The following RBFOX1 variants were observed in gnomAD, a reference collection of about 807,000 sequenced individuals.
The protein encoded by RBFOX1 is RNA binding fox-1 homolog 1.
In RBFOX1, 8 loss-of-function variants were observed where a neutral mutation model predicts 57.7. The ratio of observed to expected loss-of-function variants is 0.14; its 90% CI spans 0.08 to 0.25. RBFOX1 has a LOEUF of 0.25. RBFOX1 is among the 10% of genes least tolerant of loss of function. The pLI is 1.00. For missense variants in RBFOX1, 611 were observed against 548.5 expected (o/e 1.11, Z -1.14); for synonymous variants, 326 against 222.4 (o/e 1.47, Z -4.15).
chr16:5,498,787 G>T (rs1393638302), intron 2 of RBFOX1, among the ~76,000 whole-genome samples: 1 of 152,188 alleles, frequency 6.6e-6, no homozygotes, highest in Non-Finnish European at 1.5e-5. Context: ...TTTTGCGTCT[G>T]GGCCTTCATG....
chr16:6,253,533 C>T (rs1250732941), intron 1 of RBFOX1, among the ~76,000 whole-genome samples: 1 of 151,950 alleles, frequency 6.6e-6, no homozygotes, highest in Non-Finnish European at 1.5e-5. Flanking sequence ...CTACATTTTG[C>T]ACTTTTATAA....
intron 2 of RBFOX1, among the ~76,000 whole-genome samples, chr16:6,332,098 G>C (rs562274962): frequency 1.3e-5 from 2 of 152,336 alleles, no homozygotes; most frequent in South Asian, 4.1e-4. Context: ...TTAGTTAGAT[G>C]TAAATGGAAG....
At chr16:5,987,644 A>G (rs1213656929) in intron 4 of RBFOX1, among the ~76,000 whole-genome samples, 1 of 152,126 alleles carries the variant, frequency 6.6e-6, no homozygotes, top group African/African-American at 2.4e-5. Context: ...TCGAGGCTGT[A>G]GGGCACTATC....
intron 4 of RBFOX1, among the ~76,000 whole-genome samples, chr16:5,894,771 C>T (rs901003836): frequency 2.0e-5 from 3 of 152,088 alleles, no homozygotes; most frequent in Admixed American, 6.5e-5. Context: ...CCTGTAATCC[C>T]AGCACTTTGG....
At chr16:7,204,056 C>G (rs2089363806) in intron 4 of RBFOX1, among the ~76,000 whole-genome samples, 1 of 152,270 alleles carries the variant, frequency 6.6e-6, no homozygotes, top group African/African-American at 2.4e-5. Context: ...GTGCCCCTGA[C>G]TTCTCCAGAT....
intron 2 of RBFOX1, among the ~76,000 whole-genome samples, chr16:6,362,594 AT>A (rs1568020430): frequency 6.6e-6 from 1 of 152,168 alleles, no homozygotes; most frequent in African/African-American, 2.4e-5. Flanking sequence ...TGCAAATTAG[AT>A]TAGGTTAAGG....
At chr16:6,296,708 C>CTG (rs1555611779) in intron 1 of RBFOX1, among the ~76,000 whole-genome samples, 2 of 152,190 alleles carry the variant, frequency 1.3e-5, no homozygotes, top group Non-Finnish European at 2.9e-5. Context: ...ACGTGAGCCA[C>CTG]CGTACCCAGC....
At chr16:5,501,917 C>T (rs1031079381) in intron 2 of RBFOX1, among the ~76,000 whole-genome samples, 1 of 151,778 alleles carries the variant, frequency 6.6e-6, no homozygotes, top group Admixed American at 6.6e-5. Context: ...AGAGATGGGT[C>T]TTGCTATGTT....
At chr16:7,445,323 A>T (rs2098799752) in intron 4 of RBFOX1, among the ~76,000 whole-genome samples, 1 of 152,180 alleles carries the variant, frequency 6.6e-6, no homozygotes, top group African/African-American at 2.4e-5. Context: ...GCTTCTGAAC[A>T]ATAGCACTCC....
chr16:6,950,934 C>G (rs1456615824), intron 3 of RBFOX1, among the ~76,000 whole-genome samples: 1 of 151,028 alleles, frequency 6.6e-6, no homozygotes, highest in Non-Finnish European at 1.5e-5. Context: ...GACATAGGAT[C>G]TTGCTCTGTT....
At chr16:6,746,085 C>T (rs1451507919) in intron 3 of RBFOX1, among the ~76,000 whole-genome samples, 1 of 152,036 alleles carries the variant, frequency 6.6e-6, no homozygotes, top group African/African-American at 2.4e-5. Flanking sequence ...CAGTCCTATA[C>T]CCTTAAAACT....
chr16:6,014,611 T>C (rs1182316931), upstream of RBFOX1, among the ~76,000 whole-genome samples: 1 of 152,178 alleles, frequency 6.6e-6, no homozygotes, highest in Admixed American at 6.5e-5. Flanking sequence ...CATTCCCCTG[T>C]GGTCCTCAGA....
intron 3 of RBFOX1, among the ~76,000 whole-genome samples, chr16:6,798,537 A>G (rs988020256): frequency 6.6e-6 from 1 of 151,990 alleles, no homozygotes; most frequent in Admixed American, 6.6e-5. Context: ...CCCAGATAAC[A>G]CCCCCAATTC....
intron 4 of RBFOX1, among the ~76,000 whole-genome samples, chr16:7,244,157 G>C (rs1176941849): frequency 1.4e-5 from 2 of 140,998 alleles, no homozygotes; most frequent in Non-Finnish European, 3.0e-5. Context: ...GGTAACTCCA[G>C]AGAAAAAAAA....
intron 1 of RBFOX1, among the ~76,000 whole-genome samples, chr16:6,099,855 A>C (rs1400907674): frequency 6.6e-6 from 1 of 152,190 alleles, no homozygotes; most frequent in Admixed American, 6.5e-5. Flanking sequence ...CATGAATAAC[A>C]AATATTTTAC....
intron 1 of RBFOX1, among the ~76,000 whole-genome samples, chr16:6,069,932 A>T (rs779772949): frequency 2.0e-5 from 3 of 152,188 alleles, no homozygotes; most frequent in Non-Finnish European, 2.9e-5. Context: ...AATTGCAGTG[A>T]GCCGAGATCC....
intron 1 of RBFOX1, among the ~76,000 whole-genome samples, chr16:6,193,134 G>A (rs1207552689): frequency 6.6e-6 from 1 of 151,686 alleles, no homozygotes; most frequent in African/African-American, 2.4e-5. Flanking sequence ...CAAATGAATC[G>A]TGTTGGTGAG....
At chr16:6,688,177 T>C (rs1310581899) in intron 3 of RBFOX1, among the ~76,000 whole-genome samples, 4 of 150,868 alleles carry the variant, frequency 2.7e-5, no homozygotes, top group Admixed American at 6.6e-5. Context: ...CTTTCAGTCA[T>C]GGTGGAAAAA....
intron 11 of RBFOX1, among the ~76,000 whole-genome samples, chr16:7,650,697 A>G (rs1225492934): frequency 1.3e-5 from 2 of 152,218 alleles, no homozygotes; most frequent in Non-Finnish European, 2.9e-5. Flanking sequence ...GCCAGTGACA[A>G]TGAATGGGTC....
Sources: gnomAD v4.1 joint callset for allele counts (sites outside exome capture counted in the v4.1 genomes callset) on GRCh38, gnomAD v4.1.1 for gene constraint, MANE v1.5 for transcripts, NCBI Gene and HGNC (gene_info 2026-07-23, HGNC 2026-07-21) for gene names.